Variants in WWOX observed in about 807,000 individuals in gnomAD.
The protein encoded by WWOX is WW domain-containing oxidoreductase.
In WWOX, 69 loss-of-function variants were observed where a neutral mutation model predicts 46.2. That is an observed-to-expected ratio of 1.49 (90% CI 1.23 to 1.82). The LOEUF (loss-of-function observed/expected upper bound fraction) is 1.82. WWOX is among the 40% of genes most tolerant of loss of function. The pLI is 0.00. For synonymous variants in WWOX, 359 were observed against 202.6 expected, an observed-to-expected ratio of 1.77 and a Z score of -6.56; for missense variants, 919 against 542.6, an observed-to-expected ratio of 1.69 and a Z score of -6.89.
intron 8 of WWOX, among the ~76,000 whole-genome samples, chr16:79,210,250 A>G (rs1284693410): frequency 6.6e-6 from 1 of 152,182 alleles, no homozygotes; most frequent in Non-Finnish European, 1.5e-5. Context: ...CAACAATGAC[A>G]ACAACAAACC....
At chr16:79,122,263 G>A (rs1219972682) in intron 8 of WWOX, among the ~76,000 whole-genome samples, 1 of 152,068 alleles carries the variant, frequency 6.6e-6, no homozygotes, top group Non-Finnish European at 1.5e-5. Context: ...AATTTAGGCT[G>A]AGCCAAAAAA....
chr16:79,084,395 C>A (rs1242043155), intron 8 of WWOX, among the ~76,000 whole-genome samples: 1 of 151,996 alleles, frequency 6.6e-6, no homozygotes, highest in Non-Finnish European at 1.5e-5. Context: ...TAAATAATTC[C>A]TAAAATGGTG....
intron 4 of WWOX, among the ~76,000 whole-genome samples, chr16:78,141,529 C>A (rs1232001946): frequency 6.7e-6 from 1 of 149,576 alleles, no homozygotes; most frequent in Non-Finnish European, 1.5e-5. Flanking sequence ...CCTAGCCAGG[C>A]ATTTGTGTAC....
rs114123481 is a variant in WWOX, at chr16:78,335,251, G to A, written c.517-51609G>A. ...TTATCACCTGGATATGAAGCCCAGC[G>A]TCCATTAGCTGTTGTTGCTGATGCT... is the stretch of plus-strand genomic sequence containing the variant. On this transcript the variant is annotated intron_variant, in intron 5 of 8. Transcript: ENST00000566780. 8.6e-3 allele frequency among the ~76,000 whole-genome samples: 1,306 copies of A among 152,262 alleles called. 24 individuals carry two copies. The highest frequency in any genetic ancestry group is 0.03 in the African/African-American group (1,243 of 41,548).
intron 8 of WWOX, among the ~76,000 whole-genome samples, chr16:78,531,262 G>C (rs1420799947): frequency 6.6e-6 from 1 of 152,146 alleles, no homozygotes; most frequent in Non-Finnish European, 1.5e-5. Flanking sequence ...GTGAGAGCGA[G>C]GAAGGGTTTC....
At chr16:78,133,121 C>T (rs951564576) in intron 4 of WWOX, among the ~76,000 whole-genome samples, 4 of 152,032 alleles carry the variant, frequency 2.6e-5, no homozygotes, top group African/African-American at 4.8e-5. Context: ...TTCTACATGC[C>T]GTGTATTACT....
intron 8 of WWOX, among the ~76,000 whole-genome samples, chr16:78,761,446 C>G (rs1298392852): frequency 6.6e-6 from 1 of 152,142 alleles, no homozygotes; most frequent in African/African-American, 2.4e-5. Context: ...GACCATCAAA[C>G]TCACCATTGT....
chr16:78,261,134 A>G (rs1390503429), intron 5 of WWOX, among the ~76,000 whole-genome samples: 3 of 150,942 alleles, frequency 2.0e-5, no homozygotes, highest in Admixed American at 2.0e-4. Flanking sequence ...TTTAAGTAAA[A>G]TGAAACAACT....
intron 8 of WWOX, among the ~76,000 whole-genome samples, chr16:79,047,968 AAGG>A (rs2048097133): frequency 6.6e-6 from 1 of 152,106 alleles, no homozygotes; most frequent in South Asian, 2.1e-4. Flanking sequence ...GAGTTGCAGG[AAGG>A]AGAATTCACT....
chr16:79,179,970 C>T (rs918191141), intron 8 of WWOX, among the ~76,000 whole-genome samples: 3 of 152,236 alleles, frequency 2.0e-5, no homozygotes, highest in African/African-American at 7.2e-5. Context: ...GACTTAAGTC[C>T]ATGTTACTGG....
chr16:78,384,530 C>T (rs1291495081), intron 5 of WWOX, among the ~76,000 whole-genome samples: 1 of 152,176 alleles, frequency 6.6e-6, no homozygotes, highest in East Asian at 1.9e-4. Flanking sequence ...TGTGACTTCA[C>T]CACATGCCTT....
At chr16:78,493,317 G>A (rs1036135457) in intron 8 of WWOX, among the ~76,000 whole-genome samples, 1 of 152,158 alleles carries the variant, frequency 6.6e-6, no homozygotes. Context: ...CATTATTTGG[G>A]TCCAGAAGCT....
intron 5 of WWOX, among the ~76,000 whole-genome samples, chr16:78,314,224 G>GT (rs1301136445): frequency 1.3e-5 from 2 of 151,876 alleles, no homozygotes; most frequent in Non-Finnish European, 2.9e-5. Flanking sequence ...GGCTAACACA[G>GT]TGAAACCCCG....
At chr16:78,922,871 C>G (rs901760546) in intron 8 of WWOX, among the ~76,000 whole-genome samples, 1 of 152,014 alleles carries the variant, frequency 6.6e-6, no homozygotes, top group Non-Finnish European at 1.5e-5. Context: ...TCAATAAGGG[C>G]TTATTAATCA....
chr16:78,180,085 G>C (rs2035480957), intron 5 of WWOX, among the ~76,000 whole-genome samples: 1 of 152,176 alleles, frequency 6.6e-6, no homozygotes, highest in Non-Finnish European at 1.5e-5. Context: ...TGTTACTGAA[G>C]TCTCCCCAAT....
intron 8 of WWOX, among the ~76,000 whole-genome samples, chr16:79,007,993 T>A (rs536269063): frequency 1.3e-5 from 2 of 152,214 alleles, no homozygotes; most frequent in South Asian, 4.1e-4. Flanking sequence ...TGTTATCTCA[T>A]AGCTCCATAG....
intron 8 of WWOX, among the ~76,000 whole-genome samples, chr16:78,629,397 C>G (rs1051499596): frequency 6.6e-6 from 1 of 152,200 alleles, no homozygotes; most frequent in African/African-American, 2.4e-5. Flanking sequence ...TTCTCACTGG[C>G]ATCTCTGCTT....
At position 79,008,657 on chromosome 16, in the gene WWOX, A is replaced by C. The variant is rs145980488; in HGVS notation, c.1057-202951A>C. On this transcript the variant is annotated intron_variant, in intron 8 of 8. Transcript: ENST00000566780. ...AGGACAGAGCTTGGGCATGCTCCCG[A>C]CACCAGGTCATACTGATGTCACTCT... 5.0e-3 allele frequency among the ~76,000 whole-genome samples: 755 copies of C among 152,286 alleles called. 9 individuals are homozygous for C. Among genetic ancestry groups the C allele is most frequent in the African/African-American group, 0.017 (693 of 41,554 alleles).
intron 8 of WWOX, among the ~76,000 whole-genome samples, chr16:79,146,222 A>G (rs1324370821): frequency 6.6e-6 from 1 of 152,180 alleles, no homozygotes; most frequent in Non-Finnish European, 1.5e-5. Context: ...CAGAGGAGAA[A>G]ACAAAAAGAG....
Sources: allele counts gnomAD v4.1 joint callset (sites outside exome capture counted in the v4.1 genomes callset), GRCh38; gene constraint gnomAD v4.1.1; transcripts MANE v1.5; gene names NCBI Gene and HGNC (gene_info 2026-07-23, HGNC 2026-07-21).